The following CSMD1 variants were observed in gnomAD, a reference collection of about 807,000 sequenced individuals.
CSMD1 encodes CUB and Sushi multiple domains 1.
A neutral mutation model predicts 417.5 loss-of-function variants in CSMD1; 213 were observed. The ratio of observed to expected loss-of-function variants is 0.51; its 90% CI spans 0.46 to 0.57. The LOEUF (loss-of-function observed/expected upper bound fraction) is 0.57. CSMD1 is among the 20% of genes least tolerant of loss of function. CSMD1 has a pLI of 0.00. For missense variants in CSMD1, 6,923 were observed against 4,529.7 expected (o/e 1.53, Z -15.17); for synonymous variants, 2,862 against 1,736.8 (o/e 1.65, Z -16.11).
chr8:3,786,314 C>A (rs912663828), intron 5 of CSMD1, among the ~76,000 whole-genome samples: 3 of 152,054 alleles, frequency 2.0e-5, no homozygotes, highest in Admixed American at 6.5e-5. Flanking sequence ...AGACAAAAAT[C>A]CTCTGTCTGT....
chr8:4,351,978 G>A (rs1466747450), intron 3 of CSMD1, among the ~76,000 whole-genome samples: 1 of 140,142 alleles, frequency 7.1e-6, no homozygotes, highest in African/African-American at 2.7e-5. Flanking sequence ...AAAAAAAAAT[G>A]AGTGGCTTGA....
intron 5 of CSMD1, among the ~76,000 whole-genome samples, chr8:3,783,545 G>A (rs1464027373): frequency 6.6e-6 from 1 of 152,188 alleles, no homozygotes; most frequent in Non-Finnish European, 1.5e-5. Context: ...CCCTAAGGTG[G>A]GCACAGGAGG....
intron 7 of CSMD1, among the ~76,000 whole-genome samples, chr8:3,681,822 G>A (rs902286013): frequency 6.6e-6 from 1 of 152,138 alleles, no homozygotes; most frequent in African/African-American, 2.4e-5. Context: ...CAAACAGCAT[G>A]GTACTGGTAC....
intron 3 of CSMD1, among the ~76,000 whole-genome samples, chr8:4,214,541 G>T (rs1261811331): frequency 6.6e-6 from 1 of 152,168 alleles, no homozygotes; most frequent in African/African-American, 2.4e-5. Flanking sequence ...CATGCAGTCT[G>T]TCTGACTTGG....
intron 5 of CSMD1, among the ~76,000 whole-genome samples, chr8:3,916,476 T>C (rs1808839442): frequency 6.6e-6 from 1 of 152,172 alleles, no homozygotes; most frequent in African/African-American, 2.4e-5. Flanking sequence ...AAAGGCTTGT[T>C]AGCTTGAAAT....
chr8:3,498,807 G>A (rs762987967), intron 10 of CSMD1, among the ~76,000 whole-genome samples: 1 of 151,762 alleles, frequency 6.6e-6, no homozygotes, highest in African/African-American at 2.4e-5. Context: ...TTTTTAAATT[G>A]TATTCATTTT....
chr8:3,976,421 A>C (rs1243406849), intron 5 of CSMD1, among the ~76,000 whole-genome samples: 2 of 152,190 alleles, frequency 1.3e-5, no homozygotes, highest in Non-Finnish European at 1.5e-5. Context: ...CATGAGCTTC[A>C]TCAAGGAAAG....
intron 2 of CSMD1, among the ~76,000 whole-genome samples, chr8:4,447,682 CTCT>C (rs1798894021): frequency 6.6e-6 from 1 of 152,086 alleles, no homozygotes; most frequent in African/African-American, 2.4e-5. Flanking sequence ...CTCCTGTGAC[CTCT>C]TGTTTTAGAA....
chr8:4,553,747 A>G (rs1281069548), intron 2 of CSMD1, among the ~76,000 whole-genome samples: 1 of 152,204 alleles, frequency 6.6e-6, no homozygotes, highest in Admixed American at 6.5e-5. Context: ...TGTACAGAAT[A>G]TTTCTAACTG....
chr8:3,294,992 G>C (rs894155361), intron 25 of CSMD1, among the ~76,000 whole-genome samples: 34 of 152,124 alleles, frequency 2.2e-4, no homozygotes, highest in African/African-American at 7.9e-4. Flanking sequence ...ATTTTTAGAA[G>C]CTTCATATGT....
chr8:4,282,121 A>G (rs766106677), intron 3 of CSMD1, among the ~76,000 whole-genome samples: 5 of 152,250 alleles, frequency 3.3e-5, no homozygotes, highest in Non-Finnish European at 5.9e-5. Context: ...TTAATTATGT[A>G]AACTTTAAAG....
chr8:3,382,662 G>A (rs980146208), intron 18 of CSMD1, among the ~76,000 whole-genome samples: 1 of 148,494 alleles, frequency 6.7e-6, no homozygotes, highest in African/African-American at 2.5e-5. Flanking sequence ...GATATAAAAT[G>A]TATCTGCATA....
chr8:2,960,961 T>TATATATATATATATATATATATATATAC (rs1408815262), intron 62 of CSMD1, among the ~76,000 whole-genome samples, 180 bp downstream of exon 62: 3 of 130,858 alleles, frequency 2.3e-5, no homozygotes, highest in East Asian at 4.2e-4. Flanking sequence ...TATATATATA[T>TATATATATATATATATATATATATATAC]ATATACATAT....
At chr8:3,502,417 C>A (rs1796643139) in intron 10 of CSMD1, among the ~76,000 whole-genome samples, 1 of 149,366 alleles carries the variant, frequency 6.7e-6, no homozygotes, top group African/African-American at 2.5e-5. Flanking sequence ...TGCACATGTA[C>A]GTTTATAGCA....
At chr8:4,795,424 A>T (rs1466493211) in intron 1 of CSMD1, among the ~76,000 whole-genome samples, 1 of 151,624 alleles carries the variant, frequency 6.6e-6, no homozygotes, top group East Asian at 2.0e-4. Context: ...GGTACCCAGC[A>T]CCACGCCAGG....
chr8:3,334,529 G>C (rs139611940), intron 23 of CSMD1, among the ~76,000 whole-genome samples: 4 of 152,084 alleles, frequency 2.6e-5, no homozygotes, highest in African/African-American at 4.8e-5. Flanking sequence ...TTGTATCAAT[G>C]TGTTAATAAA....
chr8:4,212,552 T>C (rs1481659604), intron 3 of CSMD1, among the ~76,000 whole-genome samples: 2 of 152,100 alleles, frequency 1.3e-5, no homozygotes, highest in Non-Finnish European at 2.9e-5. Flanking sequence ...CCTTTTTTTT[T>C]CTAAAATAAA....
At chr8:3,795,919 G>T (rs193005356) in intron 5 of CSMD1, among the ~76,000 whole-genome samples, 308 of 27,716 alleles carry the variant, frequency 0.011, 37 homozygotes, top group African/African-American at 0.028. Context: ...TACAGATATA[G>T]ATATCTATCA....
At chr8:4,484,980 C>CAAAAAAAAAAAAAAAAAAAAAAAAAAA (rs57398278) in intron 2 of CSMD1, among the ~76,000 whole-genome samples, 1 of 53,918 alleles carries the variant, frequency 1.9e-5, no homozygotes, top group Non-Finnish European at 3.1e-5. Flanking sequence ...GACTCTGCCT[C>CAAAAAAAAAAAAAAAAAAAAAAAAAAA]AAAAAAAAAA....
Sources: allele counts gnomAD v4.1 joint callset (sites outside exome capture counted in the v4.1 genomes callset), GRCh38; gene constraint gnomAD v4.1.1; transcripts MANE v1.5; gene names NCBI Gene and HGNC (gene_info 2026-07-23, HGNC 2026-07-21).